The following CSF2RA variants were observed in gnomAD, a reference collection of about 807,000 sequenced individuals.
The protein encoded by CSF2RA is granulocyte-macrophage colony-stimulating factor receptor subunit alpha.
Under a neutral mutation model 51.6 loss-of-function variants are expected in CSF2RA, and 42 were observed. That is an observed-to-expected ratio of 0.81 (90% CI 0.64 to 1.05). The LOEUF (loss-of-function observed/expected upper bound fraction) is 1.05, where lower values mean the gene tolerates loss of function less well. Ranked by LOEUF, CSF2RA falls within the 50% of genes least tolerant of loss-of-function variation. The probability of loss-of-function intolerance (pLI) is 0.00; values close to 1 mark genes in which losing one functional copy is unlikely to be tolerated. For missense variants in CSF2RA, 530 were observed against 501.1 expected (o/e 1.06, Z -0.55); for synonymous variants, 222 against 193.0 (o/e 1.15, Z -1.24).
downstream of CSF2RA, among the ~76,000 whole-genome samples, chrX:1,314,070 C>T (rs1426512445): frequency 2.0e-5 from 3 of 151,766 alleles, no homozygotes; most frequent in African/African-American, 4.9e-5. Flanking sequence ...AGAGATAGGG[C>T]CTAGGATGAC....
At chrX:1,316,992 G>A in the CSF2RA span, among the ~76,000 whole-genome samples, 210 of 152,252 alleles carry the variant, frequency 1.4e-3, no homozygotes, top group Non-Finnish European at 2.6e-3. Flanking sequence ...TGTCGCCCAG[G>A]CTGGAGTGCA....
chrX:1,319,714 G>GTTTT, the CSF2RA span, among the ~76,000 whole-genome samples: 22 of 121,314 alleles, frequency 1.8e-4, no homozygotes, highest in African/African-American at 5.0e-4. Context: ...CGCCTTTGCT[G>GTTTT]TTTTTTTTTT....
chrX:1,324,695 G>C, the CSF2RA span, among the ~76,000 whole-genome samples: 1 of 152,166 alleles, frequency 6.6e-6, no homozygotes, highest in Non-Finnish European at 1.5e-5. Flanking sequence ...CAGCAGGGCC[G>C]CTTGGGCATG....
At chrX:1,284,660 A>AC (rs2090432884) in intron 3 of CSF2RA, among the ~76,000 whole-genome samples, 2 of 24,466 alleles carry the variant, frequency 8.2e-5, no homozygotes, top group African/African-American at 3.4e-4. Flanking sequence ...CTAGTTTTTG[A>AC]TTTTTTTTTT....
intron 6 of CSF2RA, 143 bp downstream of exon 6, chrX:1,289,031 G>A (rs1450349137): frequency 8.0e-6 from 9 of 1,126,386 alleles, no homozygotes; most frequent in East Asian, 2.4e-5. Context: ...GTGCCACCTC[G>A]GCTCACTGCA....
At chrX:1,317,219 A>G in the CSF2RA span, among the ~76,000 whole-genome samples, 69 of 114,824 alleles carry the variant, frequency 6.0e-4, no homozygotes, top group Middle Eastern at 0.025. Flanking sequence ...AAGTGCTGGG[A>G]TGACAGGCGT....
chrX:1,303,426 G>C (rs2083214869), intron 10 of CSF2RA: 1 of 411,262 alleles, frequency 2.4e-6, no homozygotes, highest in African/African-American at 2.1e-5. Flanking sequence ...TTTTAGCAGA[G>C]ATGAGGTTTC....
rs1355163345 is a variant in CSF2RA at position 1,309,765 on chromosome X, A to G, written c.*286A>G. 3.0e-6 allele frequency: 2 copies of G among 658,742 alleles called. No individual in the cohort carries two copies. Among genetic ancestry groups the G allele is most frequent in the South Asian group, 1.7e-5 (1 of 57,150 alleles). 40.8% of individuals were successfully genotyped at this position (658,742 alleles called of 1,614,324 possible). On this transcript the variant is annotated 3_prime_UTR_variant, in exon 13 of 13. Transcript: ENST00000381529. ...TACCCAGGCACGGCGGCGGACGCCC[A>G]TCATCCCAGCTACTTGGGAGGCTGA...
At position 1,294,547 on chromosome X, in the gene CSF2RA, G is replaced by A. The variant is rs753842966; in HGVS notation, c.780+86G>A. On this transcript the variant is annotated intron_variant, in intron 8 of 12. Transcript: ENST00000381529. ...AGGAGCCTGGGAATCCCGGGGAAGT[G>A]GCCTGGGGGAAGGATGCGTGGGTGG... 6.3e-6 allele frequency: 10 copies of A among 1,576,558 alleles called. No homozygotes were observed. The South Asian group carries it at 1.1e-4, about 17-fold the overall frequency.
chrX:1,320,969 AG>A, the CSF2RA span, among the ~76,000 whole-genome samples: 5 of 151,574 alleles, frequency 3.3e-5, no homozygotes, highest in African/African-American at 1.2e-4. Context: ...CCTCCCAAGG[AG>A]CTGGGATTAC....
the CSF2RA span, among the ~76,000 whole-genome samples, chrX:1,319,714 G>GTTTTTTTTTTT: frequency 8.2e-6 from 1 of 121,316 alleles, no homozygotes. Context: ...CGCCTTTGCT[G>GTTTTTTTTTTT]TTTTTTTTTT....
chrX:1,315,029 A>ACCTGCCCAACCCCACTGCG (rs2084514504), downstream of CSF2RA, among the ~76,000 whole-genome samples: 1 of 151,508 alleles, frequency 6.6e-6, no homozygotes, highest in African/African-American at 2.4e-5. Flanking sequence ...ACCACACTGC[A>ACCTGCCCAACCCCACTGCG]CCAAAGGAAG....
chrX:1,281,304 C>G (rs1233413955), intron 2 of CSF2RA, among the ~76,000 whole-genome samples: 32 of 135,322 alleles, frequency 2.4e-4, no homozygotes, highest in Non-Finnish European at 4.3e-4. Context: ...ACTCCTCCTT[C>G]TCTTCCTTCT....
At chrX:1,280,822 G>T (rs1401878610) in intron 2 of CSF2RA, among the ~76,000 whole-genome samples, 2 of 131,814 alleles carry the variant, frequency 1.5e-5, no homozygotes, top group African/African-American at 5.9e-5. Flanking sequence ...GAATCATACC[G>T]AGTAGCTTCT....
At chrX:1,314,335 ACC>A (rs2084350194), downstream of CSF2RA, among the ~76,000 whole-genome samples, 10 of 131,914 alleles carry the variant, frequency 7.6e-5, no homozygotes, top group East Asian at 2.5e-4. Flanking sequence ...CACCTGCCCA[ACC>A]CCACTGCGCC....
chrX:1,272,529 C>T (rs2088572679), intron 1 of CSF2RA, among the ~76,000 whole-genome samples: 1 of 151,818 alleles, frequency 6.6e-6, no homozygotes, highest in African/African-American at 2.4e-5. Flanking sequence ...ACTCTGCCGC[C>T]CAGGCTGGAG....
At chrX:1,286,795 T>C (rs1218506983) in intron 4 of CSF2RA, among the ~76,000 whole-genome samples, 1 of 151,936 alleles carries the variant, frequency 6.6e-6, no homozygotes, top group African/African-American at 2.4e-5. Context: ...GCAAATGCAG[T>C]TGGATGTGCC....
chrX:1,295,279 C>A, intron 8 of CSF2RA, 148 bp from the exon 9 acceptor site: 1 of 921,480 alleles, frequency 1.1e-6, no homozygotes, highest in Non-Finnish European at 1.8e-6. Flanking sequence ...CTTGTAGATT[C>A]GGGGTTTGTG....
At chrX:1,283,003 G>C (rs1288785882) in intron 3 of CSF2RA, among the ~76,000 whole-genome samples, 1 of 152,234 alleles carries the variant, frequency 6.6e-6, no homozygotes, top group African/African-American at 2.4e-5. Flanking sequence ...AGAAAACGGA[G>C]GCTCAGATAC....
Sources: gnomAD v4.1 joint callset for allele counts (sites outside exome capture counted in the v4.1 genomes callset) on GRCh38, gnomAD v4.1.1 for gene constraint, MANE v1.5 for transcripts, NCBI Gene and HGNC (gene_info 2026-07-23, HGNC 2026-07-21) for gene names.